UGGT2: variants seen among roughly 807,000 people sequenced by gnomAD.
UGGT2 encodes the protein UDP-glucose:glycoprotein glucosyltransferase 2.
UGGT2 carries 180 observed loss-of-function variants against 192.1 expected under a neutral mutation model. The ratio of observed to expected loss-of-function variants is 0.94; its 90% CI spans 0.83 to 1.06. The LOEUF (loss-of-function observed/expected upper bound fraction) is 1.06, where lower values mean the gene tolerates loss of function less well. Among genes scored for constraint, UGGT2 ranks in the 50% least tolerant of loss-of-function variants. The pLI, the probability that UGGT2 is intolerant of heterozygous loss-of-function variation, is 0.00. For synonymous variants in UGGT2, 580 were observed against 591.0 expected (o/e 0.98, Z 0.27); for missense variants, 1,849 against 1,795.7 (o/e 1.03, Z -0.54).
chr13:95,829,860 T>C (rs150772770), intron 38 of UGGT2, among the ~76,000 whole-genome samples: 10 of 152,262 alleles, frequency 6.6e-5, no homozygotes, highest in Middle Eastern at 3.4e-3. Flanking sequence ...GGAGGCATCA[T>C]GCTACCTGAC....
At chr13:95,906,253 C>T (rs528478006) in intron 20 of UGGT2, among the ~76,000 whole-genome samples, 4 of 152,050 alleles carry the variant, frequency 2.6e-5, no homozygotes, top group South Asian at 2.1e-4. Flanking sequence ...CTGCATTTCT[C>T]GTTTGTTGCA....
At chr13:95,916,259 C>T (rs1299445408) in intron 20 of UGGT2, among the ~76,000 whole-genome samples, 2 of 152,180 alleles carry the variant, frequency 1.3e-5, no homozygotes, top group Non-Finnish European at 2.9e-5. Flanking sequence ...ACAGGAAAAA[C>T]AGAAGCAACT....
chr13:96,052,962 A>C (rs1398710653), intron 1 of UGGT2, among the ~76,000 whole-genome samples, 193 bp downstream of exon 1: 1 of 152,176 alleles, frequency 6.6e-6, no homozygotes, highest in Non-Finnish European at 1.5e-5. Flanking sequence ...AAGGAACTGC[A>C]AGTGAGTGCT....
intron 10 of UGGT2, among the ~76,000 whole-genome samples, chr13:95,975,310 A>T (rs1841636840): frequency 6.6e-6 from 1 of 152,156 alleles, no homozygotes; most frequent in Admixed American, 6.5e-5. Context: ...AGATATCCTT[A>T]TGCACACATA....
At chr13:95,820,424 T>C (rs1335793448) in intron 38 of UGGT2, among the ~76,000 whole-genome samples, 1 of 152,142 alleles carries the variant, frequency 6.6e-6, no homozygotes, top group Non-Finnish European at 1.5e-5. Context: ...ATTCTTTTTA[T>C]GAAGTGGTGG....
intron 38 of UGGT2, among the ~76,000 whole-genome samples, chr13:95,804,418 A>AT (rs144208085): frequency 1.7e-3 from 260 of 152,334 alleles, no homozygotes; most frequent in Middle Eastern, 0.01. Flanking sequence ...CAAAATCCCT[A>AT]TAAAAACCCC....
chr13:96,053,139 C>A lies in UGGT2; in HGVS notation c.158+16G>T. 1 of 1,487,594 alleles carries A rather than the reference C, an allele frequency of 6.7e-7. No homozygotes were observed. Among genetic ancestry groups the A allele is most frequent in the Non-Finnish European group, 8.9e-7 (1 of 1,121,658 alleles). 92.1% of individuals were successfully genotyped at this position (1,487,594 alleles called of 1,614,324 possible). A position where few individuals can be genotyped will look rare whatever the true frequency, so the allele number is the denominator to read the frequency against. ...GCGCCCACACCCGCCCGGACGAGGGCCCGGCCCGCACCCACCTTGCCTCCA... is the reference window on the plus strand; with the variant it reads ...GCGCCCACACCCGCCCGGACGAGGGACCGGCCCGCACCCACCTTGCCTCCA... On this transcript the variant is annotated intron_variant, in intron 1 of 38. Transcript: ENST00000376747.
At chr13:95,924,044 GAT>G (rs1192166341) in intron 20 of UGGT2, among the ~76,000 whole-genome samples, 1 of 152,120 alleles carries the variant, frequency 6.6e-6, no homozygotes, top group Non-Finnish European at 1.5e-5. Flanking sequence ...ATTTCCAACA[GAT>G]AGCATTTTGG....
chr13:95,973,308 G>A (rs1354751630), intron 10 of UGGT2, among the ~76,000 whole-genome samples: 1 of 152,150 alleles, frequency 6.6e-6, no homozygotes, highest in Admixed American at 6.5e-5. Flanking sequence ...GGAATCTTAA[G>A]ATAGATTAGA....
intron 38 of UGGT2, chr13:95,832,661 C>A (rs755653732): frequency 4.3e-5 from 23 of 533,656 alleles, no homozygotes; most frequent in Non-Finnish European, 8.3e-5. Flanking sequence ...TTATTTTTCA[C>A]CTCTATGTTG....
chr13:95,867,565 A>T lies in UGGT2; in HGVS notation c.3474-142T>A, dbSNP rs76521320. ...TCATGTTTTTCTGTTTCTATAGTCAATTAAGATATACTATAATATGCTGTA... is the reference window on the plus strand; with the variant it reads ...TCATGTTTTTCTGTTTCTATAGTCATTTAAGATATACTATAATATGCTGTA... On this transcript the variant is annotated intron_variant, in intron 29 of 38. Transcript: ENST00000376747. 1.6e-3 allele frequency: 907 copies of T among 580,528 alleles called. 6 individuals are homozygous for T. The African/African-American group carries it at 0.016, about 10-fold the overall frequency. The allele number at this position is 580,528 out of a possible 1,614,324, so 36.0% of individuals were successfully genotyped here.
At chr13:95,913,260 C>T (rs2048563566) in intron 20 of UGGT2, among the ~76,000 whole-genome samples, 1 of 152,150 alleles carries the variant, frequency 6.6e-6, no homozygotes, top group Non-Finnish European at 1.5e-5. Flanking sequence ...AACTAAAGAG[C>T]TTCTCCACAG....
rs866201813 is a variant in UGGT2 at position 95,928,192 on chromosome 13, C to T, written c.1978-856G>A. ...TGAGCTGTTGGGTACACCTCCCAGA[C>T]GGGGTGGCGGCCGGGCAGAGGCGCC... On this transcript the variant is annotated intron_variant, in intron 17 of 38. Coordinates refer to ENST00000376747, the MANE Select transcript of UGGT2 (RefSeq NM_020121.4). Among the ~76,000 whole-genome samples the T allele has an allele frequency of 2.4e-4, 36 of 152,234 alleles. No homozygotes were observed. In the East Asian group the frequency reaches 2.7e-3, roughly 11 times the overall value.
In UGGT2 at chr13:95,986,535, A is replaced by G. The variant is rs2051294704; in HGVS notation, c.932-103T>C. On this transcript the variant is annotated intron_variant, in intron 8 of 38. Transcript: ENST00000376747. The stretch of plus-strand genomic sequence containing the variant: ...GACTCAATTCTTCTTGCCAAGTATT[A>G]GTATACAAACATGTTAATACTGTTA... The G allele has an allele frequency of 9.9e-6, 8 of 805,460 alleles. No homozygotes were observed. The African/African-American group carries it at 1.4e-4, about 14-fold the overall frequency. 49.9% of individuals were successfully genotyped at this position (805,460 alleles called of 1,614,324 possible). A position where few individuals can be genotyped will look rare whatever the true frequency, so the allele number is the denominator to read the frequency against.
intron 36 of UGGT2, among the ~76,000 whole-genome samples, chr13:95,852,279 C>G (rs144340700): frequency 7.0e-4 from 107 of 152,192 alleles, no homozygotes; most frequent in African/African-American, 2.5e-3. Flanking sequence ...CTTGCTATTC[C>G]TCAAACATGG....
At chr13:95,985,358 T>A in intron 9 of UGGT2, 1 of 1,064,718 alleles carries the variant, frequency 9.4e-7, no homozygotes, top group South Asian at 1.5e-5. Flanking sequence ...GGAAACAAAC[T>A]CCTTTATTTC....
At chr13:96,047,032 A>AC (rs1178350119) in intron 1 of UGGT2, among the ~76,000 whole-genome samples, 1 of 152,188 alleles carries the variant, frequency 6.6e-6, no homozygotes, top group Non-Finnish European at 1.5e-5. Context: ...TGTAGACTCC[A>AC]CCTCTGGGGG....
intron 38 of UGGT2, among the ~76,000 whole-genome samples, chr13:95,831,885 T>C (rs1886733119): frequency 6.6e-6 from 1 of 151,958 alleles, no homozygotes; most frequent in African/African-American, 2.4e-5. Context: ...TTTGTCATCC[T>C]ACTTCTCTCC....
intron 7 of UGGT2, chr13:95,995,364 T>A (rs545845524): frequency 2.0e-5 from 3 of 152,082 alleles, no homozygotes; most frequent in African/African-American, 4.8e-5. Context: ...TACACTTTTT[T>A]AAAAAAAGAA....
Sources: gnomAD v4.1 joint callset for allele counts (sites outside exome capture counted in the v4.1 genomes callset) on GRCh38, gnomAD v4.1.1 for gene constraint, MANE v1.5 for transcripts, NCBI Gene and HGNC (gene_info 2026-07-23, HGNC 2026-07-21) for gene names.